Variants in ANKRD30BL observed in about 807,000 individuals in gnomAD.
ANKRD30BL encodes putative ankyrin repeat domain-containing protein 30B-like.
A neutral mutation model predicts 18.4 loss-of-function variants in ANKRD30BL; 20 were observed. The observed-to-expected ratio is 1.09, with a 90% CI of 0.77 to 1.58. The LOEUF (loss-of-function observed/expected upper bound fraction) is 1.58. Ranked by LOEUF, ANKRD30BL falls within the 40% of genes most tolerant of loss-of-function variation. The pLI, the probability that ANKRD30BL is intolerant of heterozygous loss-of-function variation, is 0.00. For synonymous variants in ANKRD30BL, 72 were observed against 100.9 expected (o/e 0.71, Z 1.72); for missense variants, 224 against 268.6 (o/e 0.83, Z 1.16).
At chr2:132,248,972 T>C (rs554385214) in intron 1 of ANKRD30BL, among the ~76,000 whole-genome samples, 15 of 151,914 alleles carry the variant, frequency 9.9e-5, no homozygotes, top group Middle Eastern at 3.4e-3. Flanking sequence ...TTTTTCACCA[T>C]AGGCCTCAAA....
chr2:132,228,473 G>C (rs1374273161), intron 1 of ANKRD30BL, among the ~76,000 whole-genome samples: 1 of 151,796 alleles, frequency 6.6e-6, no homozygotes, highest in Non-Finnish European at 1.5e-5. Flanking sequence ...ACTTCTTTGT[G>C]ATGTGTGCAT....
intron 1 of ANKRD30BL, among the ~76,000 whole-genome samples, chr2:132,234,699 C>G (rs1680107080): frequency 6.6e-6 from 1 of 152,080 alleles, no homozygotes; most frequent in African/African-American, 2.4e-5. Context: ...TAATCAATAG[C>G]TTACCAACAA....
rs529832376 is a variant in ANKRD30BL at position 132,157,846 on chromosome 2, ATAATG to A, written c.219-428_219-424del. 1.7e-4 allele frequency among the ~76,000 whole-genome samples: 26 copies of A among 152,344 alleles called. 1 individual carries two copies. In the East Asian group the frequency reaches 4.8e-3, roughly 28 times the overall value. On this transcript the variant is annotated intron_variant, in intron 1 of 5. Transcript: ENST00000409867. ...CATGTAACAGCTCAGTAATTGATAG[ATAATG>A]TAATTATTTCTACTACTTAACAAAG...
chr2:132,220,454 A>C (rs1679644106), intron 1 of ANKRD30BL, among the ~76,000 whole-genome samples: 1 of 151,566 alleles, frequency 6.6e-6, no homozygotes, highest in Admixed American at 6.6e-5. Context: ...GGCTCACTGC[A>C]ACCTCCCTGC....
At chr2:132,167,633 A>G (rs1688212239) in intron 1 of ANKRD30BL, among the ~76,000 whole-genome samples, 2 of 152,138 alleles carry the variant, frequency 1.3e-5, no homozygotes, top group South Asian at 4.1e-4. Flanking sequence ...TTAATTGATC[A>G]TCTTCTATGA....
intron 1 of ANKRD30BL, among the ~76,000 whole-genome samples, chr2:132,251,252 A>G (rs1417489524): frequency 6.6e-6 from 1 of 152,212 alleles, no homozygotes; most frequent in African/African-American, 2.4e-5. Context: ...AGCATTATCA[A>G]AACCTGGAAA....
At chr2:132,156,856 C>T in intron 3 of ANKRD30BL, 117 bp downstream of exon 3, 1 of 451,604 alleles carries the variant, frequency 2.2e-6, no homozygotes, top group Non-Finnish European at 3.8e-6. Context: ...TTTTCTCAAA[C>T]TATTTTCATA....
intron 1 of ANKRD30BL, among the ~76,000 whole-genome samples, chr2:132,233,855 C>G (rs62166174): frequency 6.6e-6 from 1 of 151,570 alleles, no homozygotes; most frequent in Non-Finnish European, 1.5e-5. Context: ...ATCTACAGAA[C>G]TCTCCACCCC....
rs535383862 is a variant in ANKRD30BL at position 132,205,377 on chromosome 2, G to A, written n.442-48231C>T. Among the ~76,000 whole-genome samples, 123 of 146,658 alleles carry A rather than the reference G, an allele frequency of 8.4e-4. 1 individual carries two copies. Among genetic ancestry groups the A allele is most frequent in the African/African-American group, 3.1e-3 (111 of 36,144 alleles). On this transcript the variant is annotated intron_variant and non_coding_transcript_variant, in intron 1 of 4. Transcript: ENST00000470729. ...TATAATCCCAGCACTTTGGGAGGCC[G>A]AGGCGGGCGGATCACCTGAGGTGAG...
intron 1 of ANKRD30BL, among the ~76,000 whole-genome samples, chr2:132,187,503 G>C (rs1257486510): frequency 6.6e-6 from 1 of 151,374 alleles, no homozygotes; most frequent in Non-Finnish European, 1.5e-5. Flanking sequence ...TTTAGTAGAG[G>C]CGGGTTTTCA....
intron 1 of ANKRD30BL, among the ~76,000 whole-genome samples, chr2:132,182,702 TA>T (rs937037161): frequency 3.8e-4 from 58 of 152,180 alleles, no homozygotes; most frequent in Non-Finnish European, 5.7e-4. Context: ...ACCAGATGAT[TA>T]AAAAAATAGT....
intron 1 of ANKRD30BL, among the ~76,000 whole-genome samples, chr2:132,231,243 C>T (rs1233730347): frequency 6.6e-6 from 1 of 152,052 alleles, no homozygotes; most frequent in Non-Finnish European, 1.5e-5. Context: ...TTTGATAGAG[C>T]AGTTTTGAAC....
chr2:132,156,802 T>C (rs1046577820), intron 3 of ANKRD30BL, 171 bp downstream of exon 3: 33 of 372,140 alleles, frequency 8.9e-5, no homozygotes, highest in Non-Finnish European at 1.5e-4. Context: ...CTAATAGTTC[T>C]TGTAAAAATA....
At chr2:132,199,103 G>C (rs975269610) in intron 1 of ANKRD30BL, among the ~76,000 whole-genome samples, 11 of 152,268 alleles carry the variant, frequency 7.2e-5, no homozygotes, top group African/African-American at 1.4e-4. Context: ...TGTAATCCCA[G>C]CACCTTGGGA....
intron 1 of ANKRD30BL, among the ~76,000 whole-genome samples, chr2:132,185,280 A>G (rs1387935757): frequency 1.3e-5 from 2 of 152,204 alleles, no homozygotes; most frequent in Admixed American, 6.5e-5. Context: ...CTCCACTTGC[A>G]CACCTCTCAG....
At chr2:132,233,078 CCAAA>C (rs1558730212) in intron 1 of ANKRD30BL, among the ~76,000 whole-genome samples, 1 of 151,798 alleles carries the variant, frequency 6.6e-6, no homozygotes, top group East Asian at 1.9e-4. Flanking sequence ...TCATATCCAG[CCAAA>C]CAAAGCTTCA....
intron 1 of ANKRD30BL, among the ~76,000 whole-genome samples, chr2:132,169,436 CAA>C (rs139593492): frequency 0.21 from 31,842 of 150,578 alleles, 3,277 homozygotes; most frequent in Non-Finnish European, 0.25. Context: ...ATCAGGAGGT[CAA>C]GAGATCGAGA....
chr2:132,212,202 A>T (rs1679375032), intron 1 of ANKRD30BL, among the ~76,000 whole-genome samples: 1 of 151,794 alleles, frequency 6.6e-6, no homozygotes, highest in Non-Finnish European at 1.5e-5. Context: ...CAGAATCTGC[A>T]GGTGGATATT....
chr2:132,256,758 G>A (rs1680853269), intron 1 of ANKRD30BL, among the ~76,000 whole-genome samples: 2 of 152,234 alleles, frequency 1.3e-5, no homozygotes, highest in African/African-American at 2.4e-5. Context: ...CGCACGCCCG[G>A]GGACACGGAC....
Sources: allele counts gnomAD v4.1 joint callset (sites outside exome capture counted in the v4.1 genomes callset), GRCh38; gene constraint gnomAD v4.1.1; transcripts MANE v1.5; gene names NCBI Gene and HGNC (gene_info 2026-07-23, HGNC 2026-07-21).